Variants in TDRD9 observed in about 807,000 individuals in gnomAD.
The protein encoded by TDRD9 is ATP-dependent RNA helicase TDRD9.
In TDRD9, 124 loss-of-function variants were observed where a neutral mutation model predicts 172.6. The observed-to-expected ratio is 0.72, with a 90% CI of 0.62 to 0.83. TDRD9 has a LOEUF of 0.83. Among genes scored for constraint, TDRD9 ranks in the 40% least tolerant of loss-of-function variants. The pLI is 0.00. For synonymous variants in TDRD9, 619 were observed against 617.1 expected, an observed-to-expected ratio of 1.00 and a Z score of -0.05; for missense variants, 1,479 against 1,714.1, an observed-to-expected ratio of 0.86 and a Z score of 2.42.
chr14:103,941,876 A>G (rs2031256883), intron 1 of TDRD9, among the ~76,000 whole-genome samples: 1 of 152,228 alleles, frequency 6.6e-6, no homozygotes, highest in Admixed American at 6.5e-5. Flanking sequence ...TAACTAGGTC[A>G]GTGGCAGAAA....
intron 1 of TDRD9, chr14:103,940,778 C>G: frequency 6.8e-7 from 1 of 1,469,924 alleles, no homozygotes; most frequent in Non-Finnish European, 9.2e-7. Context: ...CTAAGGTGTT[C>G]ATAAAAACCC....
At chr14:103,948,239 A>G (rs2031675953) in intron 1 of TDRD9, among the ~76,000 whole-genome samples, 1 of 150,670 alleles carries the variant, frequency 6.6e-6, no homozygotes, top group Admixed American at 6.6e-5. Flanking sequence ...CTGGTCTTGA[A>G]CTCCTGGTTT....
chr14:103,946,796 T>C (rs1452213912), intron 1 of TDRD9, among the ~76,000 whole-genome samples: 2 of 152,172 alleles, frequency 1.3e-5, no homozygotes, highest in Non-Finnish European at 2.9e-5. Flanking sequence ...ATTCTATTGG[T>C]AATAGCATCA....
intron 1 of TDRD9, among the ~76,000 whole-genome samples, chr14:103,952,222 T>G (rs8016280): frequency 2.1e-4 from 3 of 14,398 alleles, no homozygotes; most frequent in Non-Finnish European, 3.8e-4. Context: ...ATATATATAT[T>G]TTTTTTTTTT....
chr14:103,973,015 T>C (rs1160111849), intron 6 of TDRD9, among the ~76,000 whole-genome samples: 1 of 151,976 alleles, frequency 6.6e-6, no homozygotes, highest in Non-Finnish European at 1.5e-5. Flanking sequence ...GGTTACACAT[T>C]TTTTAGTTTT....
At chr14:104,045,390 C>CTTTTTTTTTTTTTTTTTTT (rs55844445) in intron 34 of TDRD9, among the ~76,000 whole-genome samples, 1 of 133,906 alleles carries the variant, frequency 7.5e-6, no homozygotes, top group Non-Finnish European at 1.6e-5. Flanking sequence ...GTCATTTATC[C>CTTTTTTTTTTTTTTTTTTT]TTTTTTTTTT....
At chr14:103,982,641 C>T (rs1159526237) in intron 7 of TDRD9, among the ~76,000 whole-genome samples, 2 of 152,206 alleles carry the variant, frequency 1.3e-5, no homozygotes, top group Admixed American at 1.3e-4. Flanking sequence ...CGTGGTGGCT[C>T]ATGCCTGTAA....
chr14:103,963,430 T>A (rs2032602151), intron 3 of TDRD9, among the ~76,000 whole-genome samples: 1 of 152,194 alleles, frequency 6.6e-6, no homozygotes, highest in African/African-American at 2.4e-5. Flanking sequence ...CTTCTAACAT[T>A]TAGTTTATCT....
Position 103,938,830 on chromosome 14 carries a change from G to A in TDRD9, c.215+10106G>A, listed in dbSNP as rs577356294. Among the ~76,000 whole-genome samples the A allele has an allele frequency of 3.3e-5, 5 of 152,166 alleles. No homozygotes were observed. In the East Asian group the frequency reaches 5.8e-4, roughly 18 times the overall value. Reference sequence around the variant, plus strand: ...ACATGGATCTGTCACTATTCAGGAAGTTATTTGTATTAAAATTTCTATTTG... The same window carrying A: ...ACATGGATCTGTCACTATTCAGGAAATTATTTGTATTAAAATTTCTATTTG... On this transcript the variant is annotated intron_variant, in intron 1 of 35. Coordinates refer to ENST00000409874, the MANE Select transcript of TDRD9 (RefSeq NM_153046.3).
intron 2 of TDRD9, among the ~76,000 whole-genome samples, chr14:103,956,647 A>G (rs1337261321): frequency 7.5e-6 from 1 of 132,926 alleles, no homozygotes; most frequent in Non-Finnish European, 1.6e-5. Flanking sequence ...TTACCTTGCT[A>G]TTAATTAAAA....
intron 7 of TDRD9, among the ~76,000 whole-genome samples, chr14:103,982,744 A>G (rs2033522691): frequency 6.6e-6 from 1 of 152,076 alleles, no homozygotes; most frequent in South Asian, 2.1e-4. Flanking sequence ...TCTACTAAAA[A>G]TACAAAATTA....
At chr14:103,983,636 A>T (rs1282405366) in intron 7 of TDRD9, among the ~76,000 whole-genome samples, 1 of 152,246 alleles carries the variant, frequency 6.6e-6, no homozygotes, top group Admixed American at 6.5e-5. Context: ...TGTGCTGGAT[A>T]CTGTAGAAAG....
rs948153654 is a variant in TDRD9 at position 104,040,320 on chromosome 14, G to A, written c.3841G>A (p.Glu1281Lys). 1.2e-5 allele frequency: 18 copies of A among 1,550,538 alleles called. No homozygotes were observed. In the African/African-American group the frequency reaches 2.1e-4, roughly 18 times the overall value. ...TGCGTTTGACGTTCAATTCAGCGTG[G>A]AGGATGTCGTCGAGGTAAGGGTAGT... ...ELAFDVQFSV[E>K]DVVEVNILRA... The change falls in exon 33 of 36, where the codon GAG becomes AAG. Residue 1281 changes from glutamate (E) to lysine (K), a missense_variant. Glu to Lys is a moderately conservative substitution (Grantham distance 56, BLOSUM62 1). Around this residue, in one of 3 missense-constraint regions of TDRD9, gnomAD observed 1,413 missense variants for 1,649.1 expected, o/e 0.86. Transcript: ENST00000409874.
chr14:104,014,289 T>C (rs1026179442), intron 20 of TDRD9, among the ~76,000 whole-genome samples: 6 of 151,728 alleles, frequency 4.0e-5, no homozygotes, highest in African/African-American at 1.2e-4. Flanking sequence ...TTATTTCTTT[T>C]TTTTTTTGGA....
chr14:103,982,841 C>T (rs565073659), intron 7 of TDRD9, among the ~76,000 whole-genome samples: 3 of 152,184 alleles, frequency 2.0e-5, no homozygotes, highest in Admixed American at 6.5e-5. Flanking sequence ...GTAGAGGTTG[C>T]GGTGAGCCAA....
chr14:103,964,733 C>T (rs1358352487), intron 3 of TDRD9, among the ~76,000 whole-genome samples: 1 of 152,110 alleles, frequency 6.6e-6, no homozygotes. Flanking sequence ...CCATATTGGC[C>T]AGAATGGTCT....
chr14:104,026,192 G>A (rs2035112367), intron 27 of TDRD9, 56 bp downstream of exon 27: 3 of 1,227,924 alleles, frequency 2.4e-6, no homozygotes, highest in Non-Finnish European at 2.4e-6. Flanking sequence ...GGATTCCTGG[G>A]TGGATTCCTG....
chr14:104,015,160 T>C (rs2034749588), intron 21 of TDRD9, among the ~76,000 whole-genome samples: 1 of 152,208 alleles, frequency 6.6e-6, no homozygotes, highest in Non-Finnish European at 1.5e-5. Flanking sequence ...AGAGATCCTT[T>C]TGTTTTAGCT....
At chr14:103,991,069 C>T (rs1003387935) in intron 8 of TDRD9, 91 bp from the exon 9 acceptor site, 25 of 1,472,590 alleles carry the variant, frequency 1.7e-5, no homozygotes, top group Middle Eastern at 1.8e-4. Context: ...AAGAGCCTTT[C>T]AGGATTAAAA....
Sources: allele counts gnomAD v4.1 joint callset (sites outside exome capture counted in the v4.1 genomes callset), GRCh38; gene constraint gnomAD v4.1.1; regional missense constraint gnomAD v4.1.1; transcripts MANE v1.5; gene names NCBI Gene and HGNC (gene_info 2026-07-23, HGNC 2026-07-21).